PRKN: variants seen among roughly 807,000 people sequenced by gnomAD.
PRKN encodes the protein parkin RBR E3 ubiquitin protein ligase, also known as E3 ubiquitin-protein ligase parkin.
In PRKN, 56 loss-of-function variants were observed where a neutral mutation model predicts 59.5. The ratio of observed to expected loss-of-function variants is 0.94; its 90% CI spans 0.76 to 1.18. PRKN has a LOEUF of 1.18. Ranked by LOEUF, PRKN falls within the 50% of genes most tolerant of loss-of-function variation. PRKN has a pLI of 0.00. For synonymous variants in PRKN, 250 were observed against 222.1 expected (o/e 1.13, Z -1.12); for missense variants, 657 against 596.4 (o/e 1.10, Z -1.06).
chr6:162,365,703 C>T (rs1002979036), intron 2 of PRKN, among the ~76,000 whole-genome samples: 3 of 152,088 alleles, frequency 2.0e-5, no homozygotes, highest in Non-Finnish European at 4.4e-5. Flanking sequence ...CTTTCTAGAG[C>T]TCCTGTTCTA....
At position 161,371,570 on chromosome 6, in the gene PRKN, G is replaced by C. The variant is rs1273362014; in HGVS notation, c.1168-11365C>G. Among the ~76,000 whole-genome samples, 1 of 152,060 alleles carries C rather than the reference G, an allele frequency of 6.6e-6. No homozygotes were observed. The highest frequency in any genetic ancestry group is 1.5e-5 in the Non-Finnish European group (1 of 68,028). On this transcript the variant is annotated intron_variant, in intron 10 of 11. Coordinates refer to ENST00000366898, the MANE Select transcript of PRKN (RefSeq NM_004562.3). This position sits in a 1 kb window ranked among gnomAD's most constrained non-coding sequence, Gnocchi z 5.5. ...AAGGCTACACTGTAAGCAATACAAGGCTACTCCACTAAGCTCCAAACTCCC... is the reference window on the plus strand; with the variant it reads ...AAGGCTACACTGTAAGCAATACAAGCCTACTCCACTAAGCTCCAAACTCCC...
At chr6:162,455,717 T>TCGC (rs146101737) in intron 1 of PRKN, among the ~76,000 whole-genome samples, 6,934 of 152,198 alleles carry the variant, frequency 0.046, 461 homozygotes, top group African/African-American at 0.15. Context: ...CAAAAGGCGG[T>TCGC]CACTTTCCAC....
At chr6:162,249,023 T>C (rs2105724) in intron 3 of PRKN, among the ~76,000 whole-genome samples, 56,759 of 151,512 alleles carry the variant, frequency 0.37, 12,463 homozygotes, top group African/African-American at 0.62. Context: ...GGACTACAGG[T>C]GCACCACCAC....
intron 4 of PRKN, among the ~76,000 whole-genome samples, chr6:162,192,756 T>A (rs1784337408): frequency 1.3e-5 from 2 of 152,162 alleles, no homozygotes; most frequent in Non-Finnish European, 1.5e-5. Context: ...ACACATACTT[T>A]TTCAGAGTAA....
chr6:162,519,753 G>C (rs2128193184), intron 1 of PRKN, among the ~76,000 whole-genome samples: 1 of 152,128 alleles, frequency 6.6e-6, no homozygotes, highest in Admixed American at 6.6e-5. Context: ...TGACCAAATG[G>C]ACTCAGGAAA....
At chr6:161,670,553 C>T (rs1346510614) in intron 7 of PRKN, among the ~76,000 whole-genome samples, 3 of 152,282 alleles carry the variant, frequency 2.0e-5, no homozygotes, top group East Asian at 1.9e-4. Flanking sequence ...CAGTGGCTCA[C>T]GCCTGTAATC....
At chr6:162,637,390 G>A (rs765093363) in intron 1 of PRKN, among the ~76,000 whole-genome samples, 2 of 151,590 alleles carry the variant, frequency 1.3e-5, no homozygotes, top group African/African-American at 2.4e-5. Context: ...CACAACTCCA[G>A]CTGATGAGGA....
intron 3 of PRKN, among the ~76,000 whole-genome samples, chr6:162,256,937 C>T (rs535876806): frequency 6.6e-6 from 1 of 152,188 alleles, no homozygotes; most frequent in Admixed American, 6.5e-5. Flanking sequence ...TACTCTCCCC[C>T]ACAGTTACTT....
chr6:162,527,758 T>C (rs1778347336), intron 1 of PRKN, among the ~76,000 whole-genome samples: 1 of 152,136 alleles, frequency 6.6e-6, no homozygotes, highest in Admixed American at 6.5e-5. Flanking sequence ...GAGAAAGCAA[T>C]ATAGCTCTCA....
At chr6:161,883,430 T>A (rs1795015243) in intron 6 of PRKN, among the ~76,000 whole-genome samples, 1 of 144,576 alleles carries the variant, frequency 6.9e-6, no homozygotes, top group Non-Finnish European at 1.5e-5. Context: ...GAGGTTGCAG[T>A]GAGCTGAGAT....
intron 7 of PRKN, among the ~76,000 whole-genome samples, chr6:161,661,986 G>A (rs1157644164): frequency 6.6e-6 from 1 of 152,050 alleles, no homozygotes; most frequent in Non-Finnish European, 1.5e-5. Context: ...TTGCACCACT[G>A]CACTCCAGCC....
intron 4 of PRKN, among the ~76,000 whole-genome samples, chr6:162,118,359 A>T (rs11966520): frequency 0.41 from 62,383 of 151,504 alleles, 13,737 homozygotes; most frequent in African/African-American, 0.57. Flanking sequence ...TGAGCCGAGA[A>T]CGCGCCACTG....
At chr6:162,603,916 T>C (rs1781804007) in intron 1 of PRKN, among the ~76,000 whole-genome samples, 1 of 152,138 alleles carries the variant, frequency 6.6e-6, no homozygotes, top group Non-Finnish European at 1.5e-5. Context: ...AGAGGACAGA[T>C]ATTTCAGAGG....
At chr6:161,754,956 G>C (rs946136573) in intron 7 of PRKN, among the ~76,000 whole-genome samples, 1 of 152,138 alleles carries the variant, frequency 6.6e-6, no homozygotes, top group African/African-American at 2.4e-5. Flanking sequence ...CCCCACTCAG[G>C]GGGAGAAATA....
chr6:161,660,734 C>T (rs546852815), intron 7 of PRKN, among the ~76,000 whole-genome samples: 1 of 152,310 alleles, frequency 6.6e-6, no homozygotes. Flanking sequence ...TTAGACCCTG[C>T]CTTTGCTCTG....
chr6:162,121,821 A>C (rs1780927448), intron 4 of PRKN, among the ~76,000 whole-genome samples: 1 of 152,156 alleles, frequency 6.6e-6, no homozygotes, highest in South Asian at 2.1e-4. Context: ...ACCAAATCAC[A>C]TAGGAATGAA....
intron 1 of PRKN, among the ~76,000 whole-genome samples, chr6:162,560,682 A>T (rs1562386227): frequency 6.6e-6 from 1 of 152,056 alleles, no homozygotes; most frequent in South Asian, 2.1e-4. Flanking sequence ...TATTTCTCTG[A>T]AGTATAAATT....
intron 2 of PRKN, among the ~76,000 whole-genome samples, chr6:162,327,383 A>T (rs997789038): frequency 6.6e-6 from 1 of 152,166 alleles, no homozygotes; most frequent in African/African-American, 2.4e-5. Context: ...AGACATGAGC[A>T]ATCTGATTTT....
intron 9 of PRKN, among the ~76,000 whole-genome samples, chr6:161,436,460 TGG>T (rs34060350): frequency 1.6e-5 from 2 of 124,844 alleles, no homozygotes; most frequent in South Asian, 2.3e-4. Context: ...AAGACTTTTT[TGG>T]GGGGGGGTGG....
Sources: gnomAD v4.1 joint callset for allele counts (sites outside exome capture counted in the v4.1 genomes callset) on GRCh38, gnomAD v4.1.1 for gene constraint, Gnocchi (gnomAD v3.1) non-coding constraint, MANE v1.5 for transcripts, NCBI Gene and HGNC (gene_info 2026-07-23, HGNC 2026-07-21) for gene names.